The following PRKD3 variants were observed in gnomAD, a reference collection of about 807,000 sequenced individuals.
PRKD3 encodes serine/threonine-protein kinase D3.
PRKD3 carries 47 observed loss-of-function variants against 99.2 expected under a neutral mutation model. The ratio of observed to expected loss-of-function variants is 0.47; its 90% CI spans 0.38 to 0.60. The LOEUF is 0.60. Ranked by LOEUF, PRKD3 falls within the 20% of genes least tolerant of loss-of-function variation. PRKD3 has a pLI of 0.00. For synonymous variants in PRKD3, 392 were observed against 355.4 expected, an observed-to-expected ratio of 1.10 and a Z score of -1.16; for missense variants, 1,019 against 1,088.4, an observed-to-expected ratio of 0.94 and a Z score of 0.90.
chr2:37,261,871 C>A (rs1338425303), intron 14 of PRKD3, among the ~76,000 whole-genome samples: 1 of 152,216 alleles, frequency 6.6e-6, no homozygotes, highest in Non-Finnish European at 1.5e-5. Flanking sequence ...GGTATGCATT[C>A]ATTCAGTAAA....
chr2:37,298,006 T>C (rs1379323768), intron 2 of PRKD3, among the ~76,000 whole-genome samples: 1 of 152,222 alleles, frequency 6.6e-6, no homozygotes, highest in Non-Finnish European at 1.5e-5. Context: ...CATAAATTAT[T>C]TGAAAATCTT....
intron 17 of PRKD3, 30 bp downstream of exon 17, chr2:37,256,632 T>A (rs771744948): frequency 0.026 from 2,992 of 113,636 alleles, 24 homozygotes; most frequent in African/African-American, 0.072. Context: ...GCCAAAATTT[T>A]TTTTTTTTTT....
intron 16 of PRKD3, 89 bp from the exon 17 acceptor site, chr2:37,257,018 C>T (rs1416033701): frequency 1.5e-6 from 2 of 1,346,504 alleles, no homozygotes. Flanking sequence ...TGTATCATTT[C>T]AACATACTTG....
At chr2:37,281,123 T>C (rs547262585) in intron 7 of PRKD3, among the ~76,000 whole-genome samples, 5 of 152,230 alleles carry the variant, frequency 3.3e-5, no homozygotes, top group Non-Finnish European at 7.4e-5. Context: ...GTGGTAGGGA[T>C]GTAGAGAAAT....
chr2:37,254,128 G>C (rs1242303752), intron 18 of PRKD3, 76 bp downstream of exon 18: 1 of 1,003,470 alleles, frequency 1.0e-6, no homozygotes, highest in Admixed American at 1.7e-5. Flanking sequence ...ATCTTAGAGT[G>C]GTCTCATTAG....
intron 14 of PRKD3, among the ~76,000 whole-genome samples, chr2:37,263,323 T>C (rs1330608607): frequency 6.6e-6 from 1 of 152,220 alleles, no homozygotes; most frequent in African/African-American, 2.4e-5. Flanking sequence ...GATTTTGTAA[T>C]TTATTTCTGC....
intron 2 of PRKD3, among the ~76,000 whole-genome samples, chr2:37,295,996 C>T (rs746662215): frequency 2.0e-5 from 3 of 151,630 alleles, no homozygotes; most frequent in Non-Finnish European, 4.4e-5. Flanking sequence ...CCAGAAACTA[C>T]AGCAAGTAAA....
chr2:37,271,454 T>C (rs1669258074), intron 12 of PRKD3, among the ~76,000 whole-genome samples: 1 of 152,232 alleles, frequency 6.6e-6, no homozygotes, highest in Admixed American at 6.5e-5. Flanking sequence ...TGCCTATAGC[T>C]GCTTTCTTGT....
chr2:37,279,532 A>C (rs923045262), intron 8 of PRKD3: 9 of 349,212 alleles, frequency 2.6e-5, no homozygotes, highest in Middle Eastern at 1.5e-3. Flanking sequence ...AAAAAAAAAA[A>C]ACAAGGATTC....
intron 5 of PRKD3, among the ~76,000 whole-genome samples, chr2:37,287,262 A>AAG (rs1558556294): frequency 2.5e-5 from 2 of 80,420 alleles, no homozygotes; most frequent in Admixed American, 1.8e-4. Flanking sequence ...AAAAAAAAAA[A>AAG]AAAAAGAAAA....
chr2:37,309,534 G>A (rs1323212198), intron 2 of PRKD3, among the ~76,000 whole-genome samples: 2 of 152,120 alleles, frequency 1.3e-5, no homozygotes, highest in South Asian at 2.1e-4. Flanking sequence ...AGTCACATAT[G>A]CAATCACCAT....
intron 1 of PRKD3, 88 bp from the exon 2 acceptor site, chr2:37,317,267 AT>A: frequency 1.7e-6 from 1 of 603,054 alleles, no homozygotes; most frequent in Non-Finnish European, 2.1e-6. Flanking sequence ...TTAAATGACA[AT>A]TTTTGGTCAT....
At chr2:37,285,471 G>C (rs1670045473) in intron 6 of PRKD3, among the ~76,000 whole-genome samples, 1 of 151,734 alleles carries the variant, frequency 6.6e-6, no homozygotes. Context: ...CCTATTTCAG[G>C]GTGATTATTC....
chr2:37,258,465 G>A lies in PRKD3; in HGVS notation c.2145+1118C>T, dbSNP rs374297400. On this transcript the variant is annotated intron_variant, in intron 16 of 18. Coordinates refer to ENST00000234179, the MANE Select transcript of PRKD3 (RefSeq NM_005813.6). ...AGAAGTGGAGCCATGGCTAACACTT[G>A]AGCATAAAAAGCGTATCAAGTAAAT... Among the ~76,000 whole-genome samples, 25 of 152,322 alleles carry A rather than the reference G, an allele frequency of 1.6e-4. No homozygotes were observed. The East Asian group carries it at 2.7e-3, about 16-fold the overall frequency.
intron 5 of PRKD3, among the ~76,000 whole-genome samples, chr2:37,287,247 A>G (rs1670148333): frequency 7.9e-6 from 1 of 127,114 alleles, no homozygotes; most frequent in Non-Finnish European, 1.7e-5. Context: ...AAAAAAAAAA[A>G]AAAAAAAAAA....
intron 2 of PRKD3, among the ~76,000 whole-genome samples, chr2:37,310,717 G>T (rs1476522718): frequency 1.3e-5 from 2 of 152,174 alleles, no homozygotes; most frequent in Admixed American, 1.3e-4. Context: ...AAACTTGCTG[G>T]AGGTCTAAGC....
At chr2:37,300,331 C>G (rs1670867684) in intron 2 of PRKD3, among the ~76,000 whole-genome samples, 1 of 151,998 alleles carries the variant, frequency 6.6e-6, no homozygotes, top group Non-Finnish European at 1.5e-5. Context: ...AAAAAATGAC[C>G]TCATGGAGAT....
intron 16 of PRKD3, among the ~76,000 whole-genome samples, chr2:37,257,571 C>T (rs1229978266): frequency 6.9e-6 from 1 of 145,662 alleles, no homozygotes; most frequent in African/African-American, 2.5e-5. Flanking sequence ...GAGGCTGAAG[C>T]AGGAGAATGG....
intron 6 of PRKD3, 69 bp downstream of exon 6, chr2:37,286,108 A>G (rs2148565370): frequency 2.4e-6 from 3 of 1,252,558 alleles, no homozygotes; most frequent in East Asian, 2.6e-5. Flanking sequence ...TGAAATATAA[A>G]TATTTTAAGC....
Sources: gnomAD v4.1 joint callset for allele counts (sites outside exome capture counted in the v4.1 genomes callset) on GRCh38, gnomAD v4.1.1 for gene constraint, MANE v1.5 for transcripts, NCBI Gene and HGNC (gene_info 2026-07-23, HGNC 2026-07-21) for gene names.